The following DECR1 variants were observed in gnomAD, a reference collection of about 807,000 sequenced individuals.
DECR1 encodes 2,4-dienoyl-CoA reductase 1, also known as 2,4-dienoyl-CoA reductase [(3E)-enoyl-CoA-producing], mitochondrial.
A neutral mutation model predicts 38.8 loss-of-function variants in DECR1; 44 were observed. That is an observed-to-expected ratio of 1.13 (90% CI 0.89 to 1.46). DECR1 has a LOEUF of 1.46. Ranked by LOEUF, DECR1 falls within the 40% of genes most tolerant of loss-of-function variation. The pLI is 0.00. For synonymous variants in DECR1, 148 were observed against 135.2 expected, an observed-to-expected ratio of 1.09 and a Z score of -0.66; for missense variants, 428 against 405.5, an observed-to-expected ratio of 1.06 and a Z score of -0.48.
At chr8:90,015,610 A>G in intron 1 of DECR1, 1 of 456,894 alleles carries the variant, frequency 2.2e-6, no homozygotes, top group Non-Finnish European at 4.4e-6. Flanking sequence ...ATTTCAAGAT[A>G]TCCTGAACCA....
chr8:90,016,472 T>C (rs1160301768), intron 1 of DECR1, among the ~76,000 whole-genome samples: 1 of 151,978 alleles, frequency 6.6e-6, no homozygotes, highest in Admixed American at 6.6e-5. Flanking sequence ...CTGTCTGTAC[T>C]AAAAATACAA....
chr8:90,035,022 C>T (rs1035265700), intron 5 of DECR1, among the ~76,000 whole-genome samples: 7 of 152,030 alleles, frequency 4.6e-5, no homozygotes, highest in Non-Finnish European at 8.8e-5. Context: ...TCTTTCAACA[C>T]CTTAAAAATA....
At chr8:90,048,874 G>C (rs954979073) in intron 8 of DECR1, among the ~76,000 whole-genome samples, 6 of 152,172 alleles carry the variant, frequency 3.9e-5, no homozygotes, top group African/African-American at 1.4e-4. Flanking sequence ...GGGATGCAAG[G>C]CTGGTTCAAC....
At chr8:90,013,409 T>TG (rs1484553265) in intron 1 of DECR1, among the ~76,000 whole-genome samples, 88 of 141,206 alleles carry the variant, frequency 6.2e-4, no homozygotes, top group Middle Eastern at 3.5e-3. Context: ...GTTTTTTTTT[T>TG]TTTTTTTTTT....
Position 90,006,052 on chromosome 8 carries a change from C to T in DECR1, c.69+4491C>T, listed in dbSNP as rs572653186. 1.8e-3 allele frequency: 1,117 copies of T among 622,608 alleles called. 24 individuals are homozygous for T. The South Asian group carries it at 0.019, about 10-fold the overall frequency. The allele number at this position is 622,608 out of a possible 1,614,324, so 38.6% of individuals were successfully genotyped here. ...CACTGCCAGGATGAAGATGGTACTACGACATTCATGATGGATCTGCCACCA... is the reference window on the plus strand; with the variant it reads ...CACTGCCAGGATGAAGATGGTACTATGACATTCATGATGGATCTGCCACCA... On this transcript the variant is annotated intron_variant, in intron 1 of 9. Coordinates refer to ENST00000220764, the MANE Select transcript of DECR1 (RefSeq NM_001359.2).
intron 1 of DECR1, among the ~76,000 whole-genome samples, chr8:90,007,309 G>T (rs1371016648): frequency 6.6e-6 from 1 of 152,198 alleles, no homozygotes; most frequent in Non-Finnish European, 1.5e-5. Context: ...CAGCTACCAG[G>T]AGCCCTTAGA....
intron 6 of DECR1, 199 bp downstream of exon 6, chr8:90,037,139 T>C: frequency 1.3e-5 from 7 of 521,434 alleles, no homozygotes; most frequent in Admixed American, 3.4e-5. Flanking sequence ...TCTGCAGTGA[T>C]GTAAATGTTC....
intron 1 of DECR1, among the ~76,000 whole-genome samples, chr8:90,012,836 A>C (rs773384296): frequency 6.6e-6 from 1 of 152,240 alleles, no homozygotes; most frequent in Non-Finnish European, 1.5e-5. Flanking sequence ...AAGTGTTGAC[A>C]GAGATATTGA....
At chr8:90,046,284 A>T (rs1283285036) in intron 8 of DECR1, among the ~76,000 whole-genome samples, 3 of 152,208 alleles carry the variant, frequency 2.0e-5, no homozygotes, top group Non-Finnish European at 4.4e-5. Flanking sequence ...AGAAAGCTAA[A>T]AACCTTGATA....
chr8:90,021,245 G>A (rs1474063527), intron 5 of DECR1, among the ~76,000 whole-genome samples, 189 bp downstream of exon 5: 1 of 152,182 alleles, frequency 6.6e-6, no homozygotes, highest in Non-Finnish European at 1.5e-5. Context: ...TATGTTTCAA[G>A]TGCATTGGCA....
At chr8:90,011,840 A>G (rs1352897671) in intron 1 of DECR1, among the ~76,000 whole-genome samples, 1 of 152,140 alleles carries the variant, frequency 6.6e-6, no homozygotes, top group African/African-American at 2.4e-5. Context: ...TGGGTCAAAG[A>G]GTATTTGTAT....
intron 5 of DECR1, among the ~76,000 whole-genome samples, chr8:90,031,810 C>T (rs972388100): frequency 1.3e-5 from 2 of 152,076 alleles, no homozygotes; most frequent in African/African-American, 4.8e-5. Flanking sequence ...TTCAGTGTTG[C>T]TTATATGTGA....
At chr8:90,021,664 G>A (rs1046472647) in intron 5 of DECR1, among the ~76,000 whole-genome samples, 5 of 152,242 alleles carry the variant, frequency 3.3e-5, no homozygotes, top group Non-Finnish European at 7.3e-5. Context: ...TGCCATTCAG[G>A]AGGATTTGAT....
chr8:90,009,502 G>GT (rs201664183), intron 1 of DECR1, among the ~76,000 whole-genome samples: 29,621 of 145,490 alleles, frequency 0.2, 4,836 homozygotes, highest in African/African-American at 0.45. Flanking sequence ...TATTGTGTCT[G>GT]TTTTTTTTTT....
chr8:90,034,700 C>A (rs571902800), intron 5 of DECR1, among the ~76,000 whole-genome samples: 13 of 152,234 alleles, frequency 8.5e-5, no homozygotes, highest in African/African-American at 1.4e-4. Context: ...GATTTGCTCC[C>A]CTTGGTCTCC....
At chr8:90,015,674 C>G (rs890076611) in intron 1 of DECR1, 17 of 456,174 alleles carry the variant, frequency 3.7e-5, no homozygotes, top group Non-Finnish European at 7.1e-5. Context: ...ATGGTAGCTT[C>G]TGGAGTTTTA....
intron 6 of DECR1, among the ~76,000 whole-genome samples, chr8:90,039,974 C>G (rs1170486151): frequency 2.0e-5 from 3 of 152,156 alleles, no homozygotes; most frequent in Non-Finnish European, 2.9e-5. Context: ...GCAGAGATAA[C>G]TGTATGAGGT....
intron 8 of DECR1, among the ~76,000 whole-genome samples, chr8:90,046,444 T>G (rs1324391855): frequency 6.6e-6 from 1 of 152,120 alleles, no homozygotes; most frequent in Non-Finnish European, 1.5e-5. Flanking sequence ...GTATCAGTGA[T>G]TGAAGATCAA....
chr8:90,043,316 CAT>C (rs1400739092), intron 7 of DECR1, among the ~76,000 whole-genome samples: 5 of 152,166 alleles, frequency 3.3e-5, no homozygotes, highest in Non-Finnish European at 7.4e-5. Flanking sequence ...CTAACGCCCA[CAT>C]GTCTCTGATT....
Sources: allele counts gnomAD v4.1 joint callset (sites outside exome capture counted in the v4.1 genomes callset), GRCh38; gene constraint gnomAD v4.1.1; transcripts MANE v1.5; gene names NCBI Gene and HGNC (gene_info 2026-07-23, HGNC 2026-07-21).